The following DLGAP4 variants were observed in gnomAD, a reference collection of about 807,000 sequenced individuals.
DLGAP4 encodes the protein DLG associated protein 4, also known as disks large-associated protein 4.
Under a neutral mutation model 86.9 loss-of-function variants are expected in DLGAP4, and 18 were observed. That is an observed-to-expected ratio of 0.21 (90% CI 0.14 to 0.31). The LOEUF (loss-of-function observed/expected upper bound fraction) is 0.31. Among genes scored for constraint, DLGAP4 ranks in the 10% least tolerant of loss-of-function variants. The pLI is 1.00. For synonymous variants in DLGAP4, 548 were observed against 574.3 expected (o/e 0.95, Z 0.65); for missense variants, 1,085 against 1,362.6 (o/e 0.80, Z 3.21).
chr20:36,337,490 C>CA (rs1309407793), intron 1 of DLGAP4, among the ~76,000 whole-genome samples: 2 of 152,100 alleles, frequency 1.3e-5, no homozygotes, highest in Non-Finnish European at 2.9e-5. Flanking sequence ...CTAAGCCACT[C>CA]AGTGCTGAGC....
intron 1 of DLGAP4, among the ~76,000 whole-genome samples, chr20:36,328,339 G>T (rs1320507677): frequency 2.0e-5 from 3 of 152,130 alleles, no homozygotes; most frequent in South Asian, 4.1e-4. Flanking sequence ...TGAGTAGGGC[G>T]TCCAGCTGGG....
chr20:36,476,006 G>A (rs970570478), intron 7 of DLGAP4, among the ~76,000 whole-genome samples: 1 of 151,262 alleles, frequency 6.6e-6, no homozygotes. Flanking sequence ...TTGCAGGCAC[G>A]CGCCACCACA....
chr20:36,355,354 G>C (rs1464163910), intron 1 of DLGAP4, among the ~76,000 whole-genome samples: 1 of 149,004 alleles, frequency 6.7e-6, no homozygotes, highest in East Asian at 2.0e-4. Flanking sequence ...CTGGAGTGCA[G>C]TGGCACGATC....
intron 2 of DLGAP4, among the ~76,000 whole-genome samples, chr20:36,371,671 G>A (rs926487284): frequency 5.3e-5 from 8 of 152,128 alleles, no homozygotes; most frequent in Admixed American, 4.6e-4. Flanking sequence ...ACACCGTGGC[G>A]CCTGCTACAG....
At chr20:36,440,058 GCA>G (rs1036067537) in intron 5 of DLGAP4, among the ~76,000 whole-genome samples, 190 bp downstream of exon 5, 1 of 152,164 alleles carries the variant, frequency 6.6e-6, no homozygotes, top group Non-Finnish European at 1.5e-5. Context: ...TGGCTGGAGA[GCA>G]CAGTTACGGG....
intron 7 of DLGAP4, among the ~76,000 whole-genome samples, chr20:36,447,638 C>T (rs1056962588): frequency 1.3e-5 from 2 of 152,074 alleles, no homozygotes; most frequent in Non-Finnish European, 2.9e-5. Flanking sequence ...CCAGGCTGGT[C>T]GTGAACTTCT....
In DLGAP4 at chr20:36,500,186, C is replaced by G; in HGVS notation, c.2100-13C>G. 1 of 1,520,868 alleles carries G rather than the reference C, an allele frequency of 6.6e-7. No homozygotes were observed. The highest frequency in any genetic ancestry group is 2.1e-5 in the Admixed American group (1 of 47,386). 94.2% of individuals were successfully genotyped at this position (1,520,868 alleles called of 1,614,324 possible). A position where few individuals can be genotyped will look rare whatever the true frequency, so the allele number is the denominator to read the frequency against. The stretch of plus-strand genomic sequence containing the variant: ...TCCTTCCTGTCCCCACCCCATCCAC[C>G]CCCTACCCACAGAAGCAGCGTCCCC... On this transcript the variant is annotated splice_polypyrimidine_tract_variant and intron_variant, in intron 9 of 12. Coordinates refer to ENST00000339266, the MANE Select transcript of DLGAP4 (RefSeq NM_001365621.2). This position sits in a 1 kb window ranked among gnomAD's most constrained non-coding sequence, Gnocchi z 4.6.
At chr20:36,469,348 A>G (rs1334195689) in intron 7 of DLGAP4, among the ~76,000 whole-genome samples, 2 of 151,934 alleles carry the variant, frequency 1.3e-5, no homozygotes, top group African/African-American at 4.8e-5. Context: ...AGGTCCCTGT[A>G]GTTTGGGCCT....
intron 1 of DLGAP4, among the ~76,000 whole-genome samples, chr20:36,327,522 G>A (rs1421740807): frequency 2.6e-5 from 4 of 151,840 alleles, no homozygotes; most frequent in Admixed American, 2.0e-4. Flanking sequence ...CTATCCATCT[G>A]CTAGGCCGAG....
Position 36,436,355 on chromosome 20 carries a change from G to A in DLGAP4, c.1241+5G>A. The A allele has an allele frequency of 6.3e-7, 1 of 1,589,320 alleles. No individual in the cohort carries two copies. The highest frequency in any genetic ancestry group is 8.5e-7 in the Non-Finnish European group (1 of 1,171,642). On this transcript the variant is annotated splice_donor_5th_base_variant and intron_variant, in intron 4 of 12. Coordinates refer to ENST00000339266, the MANE Select transcript of DLGAP4 (RefSeq NM_001365621.2). The stretch of plus-strand genomic sequence containing the variant: ...AGAGCAGAGCAACCCCCGCAGGTAG[G>A]CGCGCAGCTCCACCCTTACGGTCCC...
chr20:36,521,688 T>G (rs2037387608), intron 10 of DLGAP4, among the ~76,000 whole-genome samples: 1 of 152,194 alleles, frequency 6.6e-6, no homozygotes, highest in South Asian at 2.1e-4. Context: ...GGTGGCCTTG[T>G]TTCTATGATG....
chr20:36,436,139 A>C lies in DLGAP4; in HGVS notation c.1030A>C (p.Thr344Pro), dbSNP rs751470800. 99 of 1,589,988 alleles carry C rather than the reference A, an allele frequency of 6.2e-5. No individual in the cohort carries two copies. Among genetic ancestry groups the C allele is most frequent in the Non-Finnish European group, 8.3e-5 (97 of 1,174,416 alleles). ...CGGCGGCGGCGGCGAGTGGAGCACC[A>C]CGCTGCTGTCCCCACGCGAGACGGA... is the stretch of plus-strand genomic sequence containing the variant. ...VPGGGGEWST[T>P]LLSPRETDAA... Residue 344 changes from threonine (T) to proline (P), a missense_variant, in exon 4 of 13, where the codon ACG (threonine) becomes CCG (proline). Coordinates refer to ENST00000339266, the MANE Select transcript of DLGAP4 (RefSeq NM_001365621.2).
Position 36,306,404 on chromosome 20 carries a change from G to T in DLGAP4, c.-412G>T. The T allele has an allele frequency of 6.7e-6, 1 of 149,654 alleles. No individual in the cohort carries two copies. Among genetic ancestry groups the T allele is most frequent in the South Asian group, 1.8e-4 (1 of 5,558 alleles). 9.3% of individuals were successfully genotyped at this position (149,654 alleles called of 1,614,324 possible). A position where few individuals can be genotyped will look rare whatever the true frequency, so the allele number is the denominator to read the frequency against. ...ATGGGGCGCCCGCGGGCCGGAGCCG[G>T]GGCGGGGGCCGGGGCCTAGGCGCGC... On this transcript the variant is annotated 5_prime_UTR_variant, in exon 1 of 13. Transcript: ENST00000339266. The surrounding 1 kb of genome is among the most constrained non-coding windows in gnomAD (Gnocchi z 4.9).
At chr20:36,329,347 GA>G (rs2065245835) in intron 1 of DLGAP4, among the ~76,000 whole-genome samples, 1 of 152,184 alleles carries the variant, frequency 6.6e-6, no homozygotes, top group Admixed American at 6.5e-5. Context: ...TGTGACCTGG[GA>G]CTAGTTACTC....
intron 1 of DLGAP4, among the ~76,000 whole-genome samples, chr20:36,321,260 C>A (rs572309961): frequency 6.6e-6 from 1 of 152,140 alleles, no homozygotes; most frequent in Non-Finnish European, 1.5e-5. Context: ...GGGAACAGCA[C>A]GTGCAAAGGG....
At chr20:36,352,307 C>T (rs1712958088) in intron 1 of DLGAP4, among the ~76,000 whole-genome samples, 1 of 152,144 alleles carries the variant, frequency 6.6e-6, no homozygotes, top group African/African-American at 2.4e-5. Flanking sequence ...ATGGGAGCCA[C>T]TGAGGGCTTT....
rs1394391569 is a variant in DLGAP4 at position 36,432,738 on chromosome 20, G to T, written c.999+22G>T. Reference sequence around the variant, plus strand: ...GCAGGTGGGTCTCTGGCAGGGTCAGGGGTGGGATGAGGGCTCTGGGGACGG... The same window carrying T: ...GCAGGTGGGTCTCTGGCAGGGTCAGTGGTGGGATGAGGGCTCTGGGGACGG... On this transcript the variant is annotated intron_variant, in intron 3 of 12. Coordinates refer to ENST00000339266, the MANE Select transcript of DLGAP4 (RefSeq NM_001365621.2). The surrounding 1 kb of genome is among the most constrained non-coding windows in gnomAD (Gnocchi z 6.5). 6.2e-7 allele frequency: 1 copy of T among 1,610,438 alleles called. No homozygotes were observed. The highest frequency in any genetic ancestry group is 8.5e-7 in the Non-Finnish European group (1 of 1,178,548).
chr20:36,314,936 G>A (rs1350255468), intron 1 of DLGAP4, among the ~76,000 whole-genome samples: 2 of 143,754 alleles, frequency 1.4e-5, no homozygotes, highest in African/African-American at 5.2e-5. Context: ...TGGTGTGTGT[G>A]TGCTGTGTGT....
intron 8 of DLGAP4, chr20:36,499,060 T>G: frequency 1.6e-6 from 1 of 611,020 alleles, no homozygotes; most frequent in Non-Finnish European, 2.9e-6. Context: ...GGGTTTGCCC[T>G]TAGTGCAGGC....
Sources: allele counts gnomAD v4.1 joint callset (sites outside exome capture counted in the v4.1 genomes callset), GRCh38; gene constraint gnomAD v4.1.1; non-coding constraint Gnocchi (gnomAD v3.1); transcripts MANE v1.5; gene names NCBI Gene and HGNC (gene_info 2026-07-23, HGNC 2026-07-21).